The following ARAP1 variants were observed in gnomAD, a reference collection of about 807,000 sequenced individuals.
ARAP1 encodes ArfGAP with RhoGAP domain, ankyrin repeat and PH domain 1.
In ARAP1, 76 loss-of-function variants were observed where a neutral mutation model predicts 172.2. The observed-to-expected ratio is 0.44, with a 90% CI of 0.37 to 0.53. ARAP1 has a LOEUF of 0.53. Ranked by LOEUF, ARAP1 falls within the 20% of genes least tolerant of loss-of-function variation. ARAP1 has a pLI of 0.00. For missense variants in ARAP1, 1,686 were observed against 1,977.5 expected (o/e 0.85, Z 2.80); for synonymous variants, 804 against 803.3 (o/e 1.00, Z -0.01).
rs1157561320 is a variant in ARAP1, at chr11:72,694,913, C to T, written c.3694+67G>A. ...TCCTCATGTGCAGGGTAGGGGAGGA[C>T]AGACTGGGGCTACAGCTGAGACAAG... is the stretch of plus-strand genomic sequence containing the variant. On this transcript the variant is annotated intron_variant, in intron 27 of 34. Transcript: ENST00000393609. 28 of 1,419,196 alleles carry T rather than the reference C, an allele frequency of 2.0e-5. No individual in the cohort carries two copies. In the East Asian group the frequency reaches 5.5e-4, roughly 28 times the overall value. The allele number at this position is 1,419,196 out of a possible 1,614,324, so 87.9% of individuals were successfully genotyped here.
chr11:72,728,016 C>T (rs185481235), intron 2 of ARAP1, among the ~76,000 whole-genome samples: 37 of 152,342 alleles, frequency 2.4e-4, no homozygotes, highest in Middle Eastern at 6.8e-3. Context: ...CAATATCCAG[C>T]TTACTTACAC....
chr11:72,703,381 C>A, intron 14 of ARAP1: 1 of 226,020 alleles, frequency 4.4e-6, no homozygotes, highest in Non-Finnish European at 8.5e-6. Context: ...CAGAGGATCT[C>A]AAGCTCCTTC....
chr11:72,709,638 G>A (rs1233536905), intron 11 of ARAP1, among the ~76,000 whole-genome samples: 3 of 152,158 alleles, frequency 2.0e-5, no homozygotes, highest in South Asian at 4.2e-4. Flanking sequence ...GCAGCATGGC[G>A]GGCAGGGGAG....
intron 1 of ARAP1, among the ~76,000 whole-genome samples, chr11:72,736,596 C>T (rs892290400): frequency 3.9e-5 from 6 of 152,070 alleles, no homozygotes; most frequent in African/African-American, 1.4e-4. Flanking sequence ...GACAGCACAG[C>T]CAAGAGCTGA....
At position 72,711,420 on chromosome 11, in the gene ARAP1, C is replaced by T. The variant is rs1188330330; in HGVS notation, c.1092+10G>A. On this transcript the variant is annotated intron_variant, in intron 8 of 34. Coordinates refer to ENST00000393609, the MANE Select transcript of ARAP1 (RefSeq NM_001040118.3). ...AGCAGGGGTCGCGTCAGGACTGATG[C>T]AGGCCTCACCTTGTTACTGTCAAAG... 5.0e-6 allele frequency: 8 copies of T among 1,611,620 alleles called. No individual in the cohort carries two copies. The African/African-American group carries it at 6.7e-5, about 13-fold the overall frequency.
At chr11:72,720,768 T>C (rs908648719) in intron 3 of ARAP1, among the ~76,000 whole-genome samples, 2 of 152,234 alleles carry the variant, frequency 1.3e-5, no homozygotes, top group African/African-American at 4.8e-5. Flanking sequence ...TTTTTTCATA[T>C]AATGACCTGG....
Position 72,741,088 on chromosome 11 carries a change from G to A in ARAP1, c.-127-8491C>T, listed in dbSNP as rs1281994550. Among the ~76,000 whole-genome samples, 1 of 151,768 alleles carries A rather than the reference G, an allele frequency of 6.6e-6. No homozygotes were observed. The highest frequency in any genetic ancestry group is 2.4e-5 in the African/African-American group (1 of 41,260). ...CCCTCTGGCCCCACCACATACCCCCGACCCCTAATGGGTCTGGGGACCCCT... is the reference window on the plus strand; with the variant it reads ...CCCTCTGGCCCCACCACATACCCCCAACCCCTAATGGGTCTGGGGACCCCT... On this transcript the variant is annotated intron_variant, in intron 1 of 34. Transcript: ENST00000393609. This position sits in a 1 kb window ranked among gnomAD's most constrained non-coding sequence, Gnocchi z 4.5.
At position 72,695,175 on chromosome 11, in the gene ARAP1, C is replaced by T; in HGVS notation, c.3577-78G>A. 1.3e-6 allele frequency: 2 copies of T among 1,491,820 alleles called. No individual in the cohort carries two copies. Among genetic ancestry groups the T allele is most frequent in the Non-Finnish European group, 1.9e-6 (2 of 1,079,150 alleles). 92.4% of individuals were successfully genotyped at this position (1,491,820 alleles called of 1,614,324 possible). On this transcript the variant is annotated intron_variant, in intron 26 of 34. Transcript: ENST00000393609. This position sits in a 1 kb window ranked among gnomAD's most constrained non-coding sequence, Gnocchi z 4.4. ...CACAACCTTGCTATGTGACTCAGAG[C>T]CTGAGCCCATCCTTCTCAGGCCCTT...
intron 7 of ARAP1, 67 bp downstream of exon 7, chr11:72,712,128 TG>T: frequency 1.3e-6 from 2 of 1,481,484 alleles, no homozygotes; most frequent in Admixed American, 2.4e-5. Context: ...ACCAGTGTCC[TG>T]GGGTCCTGGA....
At chr11:72,748,204 GCTA>G (rs1481384183) in intron 1 of ARAP1, among the ~76,000 whole-genome samples, 2 of 152,186 alleles carry the variant, frequency 1.3e-5, no homozygotes, top group Non-Finnish European at 2.9e-5. Context: ...AATAGCTACT[GCTA>G]CTATTATTAC....
rs750910537 is a variant in ARAP1, at chr11:72,695,779, T to C, written c.3359A>G (p.Gln1120Arg). ...FGPTLFQTDG[Q>R]DYKAGRVVED... Reference sequence around the variant, plus strand: ...CACCACACGGCCAGCCTTGTAGTCCTGCCCATCTGTCTGGAAGAGCGTGGG... The same window carrying C: ...CACCACACGGCCAGCCTTGTAGTCCCGCCCATCTGTCTGGAAGAGCGTGGG... The change falls in exon 24 of 35, where the codon CAG becomes CGG. Residue 1120 changes from glutamine (Q) to arginine (R), a missense_variant. Gln to Arg is a conservative substitution (Grantham distance 43, BLOSUM62 1). Coordinates refer to ENST00000393609, the MANE Select transcript of ARAP1 (RefSeq NM_001040118.3). The surrounding 1 kb of genome is among the most constrained non-coding windows in gnomAD (Gnocchi z 4.4). 1.2e-6 allele frequency: 2 copies of C among 1,614,098 alleles called. No individual in the cohort carries two copies. The highest frequency in any genetic ancestry group is 1.7e-6 in the Non-Finnish European group (2 of 1,180,046).
In ARAP1 at chr11:72,726,800, C is replaced by T; in HGVS notation, c.329G>A (p.Gly110Glu). ...CGGGATGGGTGGGGCAGCGGGGAGC[C>T]CCTCATCCTCTGTAGTGGTGGGCAG... ...EPLPTTTEDEGLPAAPPIPPR... is the reference protein window; with the variant it reads ...EPLPTTTEDEELPAAPPIPPR... Residue 110 changes from glycine (G) to glutamate (E), a missense_variant, in exon 3 of 35, where the codon GGG becomes GAG. Gly to Glu is a moderately conservative substitution (Grantham distance 98). Around this residue, in one of 5 missense-constraint regions of ARAP1, gnomAD observed 190 missense variants for 228.6 expected, o/e 0.83. Transcript: ENST00000393609. The surrounding 1 kb of genome is among the most constrained non-coding windows in gnomAD (Gnocchi z 6.5). 1 of 1,555,364 alleles carries T rather than the reference C, an allele frequency of 6.4e-7. No individual in the cohort carries two copies. Among genetic ancestry groups the T allele is most frequent in the Non-Finnish European group, 8.7e-7 (1 of 1,149,552 alleles).
At chr11:72,712,151 A>AC (rs764439889) in intron 7 of ARAP1, 45 bp downstream of exon 7, 88 of 1,451,086 alleles carry the variant, frequency 6.1e-5, no homozygotes, top group Non-Finnish European at 7.0e-5. Flanking sequence ...ACTGCCCCCC[A>AC]CCCCCCCATG....
intron 1 of ARAP1, among the ~76,000 whole-genome samples, chr11:72,735,956 AG>A (rs1858010167): frequency 6.6e-6 from 1 of 152,320 alleles, no homozygotes; most frequent in East Asian, 1.9e-4. Context: ...AAAACAGCCC[AG>A]GGGGCCCTCA....
intron 2 of ARAP1, among the ~76,000 whole-genome samples, chr11:72,730,015 A>G (rs929037107): frequency 2.6e-5 from 4 of 152,204 alleles, no homozygotes; most frequent in African/African-American, 9.7e-5. Context: ...TGAAATATTC[A>G]ACTCTACAAA....
intron 1 of ARAP1, among the ~76,000 whole-genome samples, chr11:72,740,844 AC>A (rs1858174334): frequency 6.6e-6 from 1 of 152,098 alleles, no homozygotes. Context: ...TCCTCAAGAC[AC>A]CATCAGACCC....
At position 72,685,638 on chromosome 11, in the gene ARAP1, C is replaced by A; in HGVS notation, c.*26G>T. The A allele has an allele frequency of 6.8e-6, 11 of 1,614,112 alleles. No individual in the cohort carries two copies. The highest frequency in any genetic ancestry group is 9.3e-6 in the Non-Finnish European group (11 of 1,179,964). ...ACAGAAGGCTTCCAGCGGCGGAATC[C>A]TAGAGCCAAGGATGGGCTCCTGTGC... On this transcript the variant is annotated 3_prime_UTR_variant, in exon 35 of 35. Transcript: ENST00000393609.
At chr11:72,718,705 C>T (rs1475627908) in intron 3 of ARAP1, among the ~76,000 whole-genome samples, 2 of 152,166 alleles carry the variant, frequency 1.3e-5, no homozygotes, top group Non-Finnish European at 2.9e-5. Flanking sequence ...TCACCCCAGC[C>T]TGGGCCCTCA....
At position 72,710,398 on chromosome 11, in the gene ARAP1, T is replaced by C. The variant is rs745545651; in HGVS notation, c.1403A>G (p.Tyr468Cys). ...ACCCCTTAGCACCTCTAGATTCTTGTAGAGCTGCACTTTGTCCCCGACCAC... is the reference window on the plus strand; with the variant it reads ...ACCCCTTAGCACCTCTAGATTCTTGCAGAGCTGCACTTTGTCCCCGACCAC... ...VAVVGDKVQL[Y>C]KNLEEYHLGI... Residue 468 changes from tyrosine (Y) to cysteine (C), a missense_variant, in exon 10 of 35, where the codon TAC becomes TGC. Tyr to Cys is a radical substitution (Grantham distance 194). Coordinates refer to ENST00000393609, the MANE Select transcript of ARAP1 (RefSeq NM_001040118.3). The surrounding 1 kb of genome is among the most constrained non-coding windows in gnomAD (Gnocchi z 4.3). 3 of 1,614,000 alleles carry C rather than the reference T, an allele frequency of 1.9e-6. No individual in the cohort carries two copies. The highest frequency in any genetic ancestry group is 2.5e-6 in the Non-Finnish European group (3 of 1,179,952).
Sources: allele counts gnomAD v4.1 joint callset (sites outside exome capture counted in the v4.1 genomes callset), GRCh38; gene constraint gnomAD v4.1.1; regional missense constraint gnomAD v4.1.1; non-coding constraint Gnocchi (gnomAD v3.1); transcripts MANE v1.5; gene names NCBI Gene and HGNC (gene_info 2026-07-23, HGNC 2026-07-21).